Variants in CCDC14 observed in about 807,000 individuals in gnomAD.
The protein encoded by CCDC14 is coiled-coil domain containing 14.
Under a neutral mutation model 81.4 loss-of-function variants are expected in CCDC14, and 71 were observed. The ratio of observed to expected loss-of-function variants is 0.87; its 90% confidence interval spans 0.72 to 1.06. CCDC14 has a LOEUF of 1.06. CCDC14 is among the 50% of genes least tolerant of loss of function. The probability of loss-of-function intolerance (pLI) is 0.00; values close to 1 mark genes in which losing one functional copy is unlikely to be tolerated. For missense variants in CCDC14, 1,046 were observed against 1,047.3 expected (o/e 1.00, Z 0.02); for synonymous variants, 332 against 364.8 (o/e 0.91, Z 1.03).
At position 123,931,502 on chromosome 3, in the gene CCDC14, A is replaced by C. The variant is rs545062652; in HGVS notation, c.1451T>G (p.Met484Arg). The C allele has an allele frequency of 1.3e-6, 2 of 1,564,254 alleles. No homozygotes were observed. The highest frequency in any genetic ancestry group is 2.7e-5 in the African/African-American group (2 of 73,914). The change falls in exon 11 of 13, where the codon ATG (methionine) becomes AGG (arginine). Residue 484 changes from methionine to arginine, a missense_variant. Physicochemically the swap from Met to Arg is moderately conservative, Grantham distance 91 (BLOSUM62 -1). Coordinates refer to ENST00000409697, the MANE Select transcript of CCDC14 (RefSeq NM_001366335.1). ...LELFSLQSLN[M>R]SLQNQLEESL... is the part of the protein sequence containing the mutation. ...CTCCTCCAATTGATTTTGCAGTGAC[A>C]TATTCAATGACTGAAGAGAAAACAC... is the stretch of plus-strand genomic sequence containing the variant.
At position 123,915,187 on chromosome 3, in the gene CCDC14, G is replaced by C; in HGVS notation, c.2310C>G (p.Val770=). 6.2e-7 allele frequency: 1 copy of C among 1,613,728 alleles called. No homozygotes were observed. The highest frequency in any genetic ancestry group is 8.5e-7 in the Non-Finnish European group (1 of 1,179,728). ...TQLVSNSGLA[V]SGKENKLCTP... ...TACACAGTTTATTTTCTTTTCCAGA[G>C]ACAGCAAGTCCGCTGTTGCTGACTA... Residue 770 remains valine (V), a synonymous_variant, in exon 13 of 13, where the codon GTC becomes GTG. Transcript: ENST00000409697.
At position 123,902,338 on chromosome 3, in the gene CCDC14, A is replaced by G. The variant is rs181220185; in HGVS notation, c.668-4725T>C. Among the ~76,000 whole-genome samples the G allele has an allele frequency of 5.2e-3, 785 of 152,364 alleles. 5 individuals are homozygous for G. The highest frequency in any genetic ancestry group is 0.017 in the African/African-American group (697 of 41,590). The stretch of plus-strand genomic sequence containing the variant: ...CTGTCACCATTCTGCAATCCTAATG[A>G]ACAAATAGATCTGGGTACTGAGCAT... On this transcript the variant is annotated intron_variant, in intron 5 of 5. Transcript: ENST00000479903.
At position 123,949,992 on chromosome 3, in the gene CCDC14, T is replaced by C. The variant is rs145789882; in HGVS notation, c.353-860A>G. On this transcript the variant is annotated intron_variant, in intron 5 of 12. Transcript: ENST00000409697. ...CTTCATTGTTTTCTCTTACAGAACC[T>C]AGTATTAGTCTATGAACAAGGTAGA... 2.6e-3 allele frequency among the ~76,000 whole-genome samples: 400 copies of C among 152,332 alleles called. 1 individual carries two copies. Among genetic ancestry groups the C allele is most frequent in the African/African-American group, 9.1e-3 (378 of 41,584 alleles).
chr3:123,916,001 T>TG (rs2034665350), intron 12 of CCDC14, among the ~76,000 whole-genome samples: 1 of 151,034 alleles, frequency 6.6e-6, no homozygotes. Context: ...TTACTCTTTT[T>TG]TTTTTTTTTT....
downstream of CCDC14, among the ~76,000 whole-genome samples, chr3:123,894,249 C>T (rs1045241765): frequency 2.0e-5 from 3 of 152,134 alleles, no homozygotes; most frequent in Non-Finnish European, 2.9e-5. Flanking sequence ...TTTCAAACCT[C>T]GTTGAAAATA....
At chr3:123,893,058 C>T (rs1358855672), downstream of CCDC14, among the ~76,000 whole-genome samples, 1 of 152,200 alleles carries the variant, frequency 6.6e-6, no homozygotes, top group African/African-American at 2.4e-5. Context: ...CCCACCTTGG[C>T]CTCCCAAAGA....
At chr3:123,955,551 T>C (rs542743958) in intron 5 of CCDC14, 105 of 186,138 alleles carry the variant, frequency 5.6e-4, no homozygotes, top group African/African-American at 1.9e-3. Context: ...TGAAAACAAG[T>C]GGCAGGGGAA....
Position 123,903,766 on chromosome 3 carries a change from G to A in CCDC14, c.668-6153C>T, listed in dbSNP as rs915303064. Reference sequence around the variant, plus strand: ...ATTGTGATTTAATCTTTCCAGATGCGCTAGTGTAGATCTGACAGACAAAAT... The same window carrying A: ...ATTGTGATTTAATCTTTCCAGATGCACTAGTGTAGATCTGACAGACAAAAT... On this transcript the variant is annotated intron_variant, in intron 5 of 5. Coordinates refer to the CCDC14 transcript ENST00000479903. 3.9e-5 allele frequency among the ~76,000 whole-genome samples: 6 copies of A among 152,180 alleles called. No homozygotes were observed. The East Asian group carries it at 5.8e-4, about 15-fold the overall frequency.
At chr3:123,951,503 G>T (rs183830129) in intron 5 of CCDC14, among the ~76,000 whole-genome samples, 2 of 152,176 alleles carry the variant, frequency 1.3e-5, no homozygotes, top group Non-Finnish European at 2.9e-5. Context: ...ATGGAAAAGT[G>T]CCCTCTAAAA....
intron 10 of CCDC14, among the ~76,000 whole-genome samples, chr3:123,931,767 AAAG>A (rs1400845746): frequency 2.0e-5 from 3 of 152,232 alleles, no homozygotes; most frequent in African/African-American, 4.8e-5. Flanking sequence ...CTTTTAAAAG[AAAG>A]AATACATAAT....
chr3:123,948,841 C>G, intron 6 of CCDC14, 55 bp downstream of exon 6: 1 of 1,582,298 alleles, frequency 6.3e-7, no homozygotes, highest in Non-Finnish European at 8.6e-7. Flanking sequence ...ATACAGTAAC[C>G]AAGCAATTTA....
At chr3:123,917,589 C>T (rs1368392635) in intron 12 of CCDC14, among the ~76,000 whole-genome samples, 1 of 151,516 alleles carries the variant, frequency 6.6e-6, no homozygotes, top group Non-Finnish European at 1.5e-5. Context: ...AAAAATACCA[C>T]TAGCCAATAA....
intron 9 of CCDC14, among the ~76,000 whole-genome samples, chr3:123,934,592 A>G (rs1473535702): frequency 6.6e-6 from 1 of 152,202 alleles, no homozygotes; most frequent in African/African-American, 2.4e-5. Context: ...TTAAGTAACG[A>G]GAATATTAAC....
chr3:123,903,936 G>A (rs573438958), intron 5 of CCDC14, among the ~76,000 whole-genome samples: 1 of 152,242 alleles, frequency 6.6e-6, no homozygotes, highest in East Asian at 1.9e-4. Flanking sequence ...AGGGTCTGTA[G>A]GACTGTTGTG....
chr3:123,954,398 T>A (rs2037209665), intron 5 of CCDC14: 1 of 152,182 alleles, frequency 6.6e-6, no homozygotes, highest in Admixed American at 6.6e-5. Flanking sequence ...AAAATCTTAT[T>A]TACACAATAA....
intron 12 of CCDC14, among the ~76,000 whole-genome samples, chr3:123,927,654 A>G (rs2035449917): frequency 6.6e-6 from 1 of 151,916 alleles, no homozygotes; most frequent in South Asian, 2.1e-4. Context: ...AATGTAAAAA[A>G]CTGATAGGAA....
intron 10 of CCDC14, among the ~76,000 whole-genome samples, chr3:123,933,373 T>C (rs1259784606): frequency 2.0e-5 from 3 of 152,182 alleles, no homozygotes; most frequent in African/African-American, 7.2e-5. Context: ...TGTGATCTCA[T>C]TTTTAAAAAA....
At chr3:123,937,711 T>C (rs1319406721) in intron 9 of CCDC14, among the ~76,000 whole-genome samples, 1 of 151,876 alleles carries the variant, frequency 6.6e-6, no homozygotes, top group African/African-American at 2.4e-5. Context: ...ATATTTTTTG[T>C]GTTGTATTTT....
chr3:123,959,762 A>G (rs1276566219), intron 1 of CCDC14, among the ~76,000 whole-genome samples: 2 of 129,206 alleles, frequency 1.5e-5, no homozygotes, highest in Non-Finnish European at 3.0e-5. Context: ...GTTCTTTGCT[A>G]TTGGGGCCTC....
Sources: allele counts gnomAD v4.1 joint callset (sites outside exome capture counted in the v4.1 genomes callset), GRCh38; gene constraint gnomAD v4.1.1; transcripts MANE v1.5; gene names NCBI Gene and HGNC (gene_info 2026-07-23, HGNC 2026-07-21).